AUTS2: variants seen among roughly 807,000 people sequenced by gnomAD.
AUTS2 encodes the protein autism susceptibility gene 2 protein.
Under a neutral mutation model 112.4 loss-of-function variants are expected in AUTS2, and 17 were observed. The observed-to-expected ratio is 0.15, with a 90% CI of 0.10 to 0.23. The LOEUF (loss-of-function observed/expected upper bound fraction) is 0.23, where lower values mean the gene tolerates loss of function less well. Ranked by LOEUF, AUTS2 falls within the 10% of genes least tolerant of loss-of-function variation. The probability of loss-of-function intolerance (pLI) is 1.00; values close to 1 mark genes in which losing one functional copy is unlikely to be tolerated. For missense variants in AUTS2, 1,510 were observed against 1,701.6 expected, an observed-to-expected ratio of 0.89 and a Z score of 1.98; for synonymous variants, 751 against 702.7, an observed-to-expected ratio of 1.07 and a Z score of -1.09.
intron 4 of AUTS2, among the ~76,000 whole-genome samples, chr7:70,223,767 G>A (rs2129593351): frequency 6.6e-6 from 1 of 151,920 alleles, no homozygotes; most frequent in East Asian, 1.9e-4. Flanking sequence ...ACCTTGCAGT[G>A]TGACAAGATG....
chr7:70,085,486 C>T (rs1247700842), intron 2 of AUTS2, among the ~76,000 whole-genome samples: 1 of 152,006 alleles, frequency 6.6e-6, no homozygotes. Context: ...CTGCCTCAGC[C>T]TCCTGAGTAG....
intron 6 of AUTS2, among the ~76,000 whole-genome samples, chr7:70,760,331 C>T (rs182956120): frequency 1.3e-5 from 2 of 152,374 alleles, no homozygotes; most frequent in East Asian, 3.9e-4. Context: ...AAAAGTGTTT[C>T]TGCCATTGTA....
chr7:69,917,407 G>A (rs990473971), intron 2 of AUTS2, among the ~76,000 whole-genome samples: 22 of 141,972 alleles, frequency 1.5e-4, no homozygotes, highest in Non-Finnish European at 4.5e-5. Flanking sequence ...TTTTCCTTCA[G>A]TGAGTCTGAT....
intron 4 of AUTS2, among the ~76,000 whole-genome samples, chr7:70,244,502 A>T (rs112685113): frequency 0.017 from 2,660 of 152,308 alleles, 56 homozygotes; most frequent in Middle Eastern, 0.075. Flanking sequence ...TGCATCTCAC[A>T]GGAATCTATT....
intron 5 of AUTS2, among the ~76,000 whole-genome samples, chr7:70,542,307 T>C (rs1057182518): frequency 1.3e-5 from 2 of 152,234 alleles, no homozygotes; most frequent in Non-Finnish European, 2.9e-5. Context: ...TCCAAGTCAT[T>C]GGTTAACGTA....
chr7:70,781,002 A>G (rs1462821195), intron 14 of AUTS2, among the ~76,000 whole-genome samples: 1 of 152,146 alleles, frequency 6.6e-6, no homozygotes, highest in Non-Finnish European at 1.5e-5. Flanking sequence ...ACACTGAACT[A>G]CTTTGGGAGT....
intron 4 of AUTS2, among the ~76,000 whole-genome samples, chr7:70,408,665 T>C (rs781201139): frequency 6.6e-6 from 1 of 152,176 alleles, no homozygotes; most frequent in African/African-American, 2.4e-5. Flanking sequence ...ACCTCCCCAG[T>C]CAGCAGGGAG....
At chr7:70,413,328 G>A (rs1394664129) in intron 4 of AUTS2, among the ~76,000 whole-genome samples, 3 of 152,176 alleles carry the variant, frequency 2.0e-5, no homozygotes. Context: ...CTAAAACAGA[G>A]GAGGGATTCA....
intron 11 of AUTS2, among the ~76,000 whole-genome samples, chr7:70,772,152 G>T (rs572640215): frequency 6.6e-6 from 1 of 152,106 alleles, no homozygotes; most frequent in African/African-American, 2.4e-5. Context: ...AGGGCCTGCC[G>T]GCAGGTGGGG....
intron 2 of AUTS2, among the ~76,000 whole-genome samples, chr7:70,089,389 G>C (rs1017543308): frequency 2.0e-5 from 3 of 151,824 alleles, no homozygotes; most frequent in Middle Eastern, 3.4e-3. Flanking sequence ...AATATTCTTT[G>C]TTCTGAAATA....
chr7:70,125,913 G>A (rs370709399), intron 3 of AUTS2, among the ~76,000 whole-genome samples: 2 of 152,046 alleles, frequency 1.3e-5, no homozygotes, highest in African/African-American at 2.4e-5. Flanking sequence ...CCCCTGACTC[G>A]TTTTTCAGCT....
intron 4 of AUTS2, among the ~76,000 whole-genome samples, chr7:70,233,356 A>C (rs990400604): frequency 5.9e-5 from 9 of 152,154 alleles, no homozygotes; most frequent in African/African-American, 2.2e-4. Context: ...GAGGAAATGG[A>C]TATTAGAGTT....
chr7:70,238,721 A>G (rs1812453194), intron 4 of AUTS2, among the ~76,000 whole-genome samples: 2 of 151,856 alleles, frequency 1.3e-5, no homozygotes, highest in Admixed American at 1.3e-4. Context: ...GTAAATACAA[A>G]TTGTCATTTT....
chr7:70,683,083 C>T (rs1432815714), intron 5 of AUTS2, among the ~76,000 whole-genome samples: 2 of 152,240 alleles, frequency 1.3e-5, no homozygotes, highest in Non-Finnish European at 2.9e-5. Context: ...GGAGGCATGA[C>T]ATGCACATAC....
intron 4 of AUTS2, among the ~76,000 whole-genome samples, chr7:70,414,285 T>C (rs190539990): frequency 6.6e-6 from 1 of 152,296 alleles, no homozygotes; most frequent in Admixed American, 6.5e-5. Context: ...GAATTACTTG[T>C]GATGCTCTTC....
chr7:69,813,883 G>A (rs1790648587), intron 1 of AUTS2, among the ~76,000 whole-genome samples: 1 of 152,162 alleles, frequency 6.6e-6, no homozygotes, highest in Admixed American at 6.5e-5. Context: ...AGCTCTGTGG[G>A]CACACAGGGA....
rs1262137719 is a variant in AUTS2, at chr7:69,598,697, A to C, written c.-957A>C. On this transcript the variant is annotated 5_prime_UTR_variant, in exon 1 of 19. Transcript: ENST00000342771. ...CTGGAGATTTCTTTCTGCTTTCCTC[A>C]TCGACTGACTGACTCACCCCCTCCC... 6.5e-6 allele frequency: 1 copy of C among 155,024 alleles called. No individual in the cohort carries two copies. Among genetic ancestry groups the C allele is most frequent in the Non-Finnish European group, 1.4e-5 (1 of 69,952 alleles). The allele number at this position is 155,024 out of a possible 1,614,324, so 9.6% of individuals were successfully genotyped here.
At chr7:70,670,574 C>T (rs1461157566) in intron 5 of AUTS2, among the ~76,000 whole-genome samples, 1 of 152,130 alleles carries the variant, frequency 6.6e-6, no homozygotes, top group African/African-American at 2.4e-5. Flanking sequence ...CTAGAAGTGG[C>T]CTAGAAAAGA....
intron 4 of AUTS2, among the ~76,000 whole-genome samples, chr7:70,244,751 G>A (rs1055507085): frequency 6.6e-6 from 1 of 152,242 alleles, no homozygotes; most frequent in Non-Finnish European, 1.5e-5. Flanking sequence ...ATAAATTTTC[G>A]GTGAAAGGGA....
Sources: allele counts gnomAD v4.1 joint callset (sites outside exome capture counted in the v4.1 genomes callset), GRCh38; gene constraint gnomAD v4.1.1; transcripts MANE v1.5; gene names NCBI Gene and HGNC (gene_info 2026-07-23, HGNC 2026-07-21).